The following PCDH11X variants were observed in gnomAD, a reference collection of about 807,000 sequenced individuals.
PCDH11X encodes the protein protocadherin 11 X-linked.
Under a neutral mutation model 53.3 loss-of-function variants are expected in PCDH11X, and 18 were observed. The observed-to-expected ratio is 0.34, with a 90% CI of 0.23 to 0.50. The LOEUF (loss-of-function observed/expected upper bound fraction) is 0.50. Ranked by LOEUF, PCDH11X falls within the 20% of genes least tolerant of loss-of-function variation. PCDH11X has a pLI of 0.98. For missense variants in PCDH11X, 570 were observed against 1,032.4 expected, an observed-to-expected ratio of 0.55 and a Z score of 6.14; for synonymous variants, 279 against 393.3, an observed-to-expected ratio of 0.71 and a Z score of 3.44.
At chrX:92,406,740 A>G (rs867888658) in intron 9 of PCDH11X, among the ~76,000 whole-genome samples, 167 of 100,395 alleles carry the variant, frequency 1.7e-3, no homozygotes, top group Non-Finnish European at 2.8e-3. Flanking sequence ...CTTGGCCAAC[A>G]TGGTGAAACC....
intron 10 of PCDH11X, among the ~76,000 whole-genome samples, chrX:92,520,993 A>G (rs778476805): frequency 4.2e-4 from 47 of 111,183 alleles, no homozygotes; most frequent in Admixed American, 2.9e-4. Flanking sequence ...TATTTCTACC[A>G]CATCTGCAGT....
intron 6 of PCDH11X, among the ~76,000 whole-genome samples, chrX:91,902,309 C>T (rs1940985077): frequency 9.1e-6 from 1 of 110,079 alleles, no homozygotes; most frequent in East Asian, 2.9e-4. Flanking sequence ...GCAGTGGCCT[C>T]CTATTTGCCA....
At chrX:92,376,476 C>CA (rs770351289) in intron 8 of PCDH11X, among the ~76,000 whole-genome samples, 3 of 111,251 alleles carry the variant, frequency 2.7e-5, no homozygotes, top group African/African-American at 9.8e-5. Context: ...AGCTACTGAA[C>CA]AAAAAAAATA....
intron 10 of PCDH11X, among the ~76,000 whole-genome samples, chrX:92,543,057 C>G (rs2074783842): frequency 9.2e-6 from 1 of 108,450 alleles, no homozygotes; most frequent in Admixed American, 1.0e-4. Context: ...ACACCACTCA[C>G]TTCCACTTTT....
intron 5 of PCDH11X, among the ~76,000 whole-genome samples, chrX:91,864,372 T>G (rs780419813): frequency 1.0e-5 from 1 of 97,005 alleles, no homozygotes; most frequent in Non-Finnish European, 2.0e-5. Context: ...GTATTGGAGC[T>G]CCATTGTGTG....
chrX:92,374,809 A>C (rs190678721), intron 8 of PCDH11X, among the ~76,000 whole-genome samples: 1,237 of 110,352 alleles, frequency 0.011, 20 homozygotes, highest in African/African-American at 0.039. Flanking sequence ...GTGATAATCC[A>C]TATCACCATG....
At chrX:92,341,798 A>G in intron 8 of PCDH11X, among the ~76,000 whole-genome samples, 1 of 111,884 alleles carries the variant, frequency 8.9e-6, no homozygotes, top group Non-Finnish European at 1.9e-5. Context: ...GGGGACACAT[A>G]TCCAAACTAT....
intron 9 of PCDH11X, among the ~76,000 whole-genome samples, chrX:92,415,262 C>T (rs2071783436): frequency 9.0e-6 from 1 of 111,647 alleles, no homozygotes; most frequent in Admixed American, 9.5e-5. Flanking sequence ...CTACCACTTT[C>T]AGGAGAAACA....
At chrX:91,869,147 C>T (rs761008431) in intron 5 of PCDH11X, among the ~76,000 whole-genome samples, 372 of 109,832 alleles carry the variant, frequency 3.4e-3, no homozygotes, top group African/African-American at 0.012. Context: ...ATAAACATTA[C>T]TTTTAGGGGT....
At chrX:92,446,056 C>A (rs1387063507) in intron 9 of PCDH11X, among the ~76,000 whole-genome samples, 1 of 109,345 alleles carries the variant, frequency 9.1e-6, no homozygotes, top group East Asian at 2.9e-4. Flanking sequence ...CTCAATATGT[C>A]ACCAAAGCCA....
At chrX:92,254,711 C>G (rs371087998) in intron 7 of PCDH11X, among the ~76,000 whole-genome samples, 28 of 107,456 alleles carry the variant, frequency 2.6e-4, no homozygotes, top group African/African-American at 6.4e-4. Flanking sequence ...GCTTAGTTTG[C>G]CTGGATATGA....
chrX:92,388,124 C>A (rs2071049882), intron 9 of PCDH11X, among the ~76,000 whole-genome samples, 191 bp downstream of exon 9: 1 of 110,768 alleles, frequency 9.0e-6, no homozygotes, highest in Admixed American at 9.7e-5. Context: ...AATGTGTGAT[C>A]ATAACTACGC....
chrX:92,238,660 A>G (rs961040017), intron 7 of PCDH11X, among the ~76,000 whole-genome samples: 2 of 111,876 alleles, frequency 1.8e-5, no homozygotes, highest in Admixed American at 1.9e-4. Flanking sequence ...TGTGCATACA[A>G]CTAGGTAATA....
chrX:91,968,402 CCTGT>C (rs1401344746), intron 6 of PCDH11X, among the ~76,000 whole-genome samples: 2 of 108,563 alleles, frequency 1.8e-5, no homozygotes, highest in African/African-American at 3.4e-5. Flanking sequence ...AGTTTGTTAT[CCTGT>C]CTCACAGTTA....
At chrX:92,127,616 G>C (rs1161705311) in intron 6 of PCDH11X, among the ~76,000 whole-genome samples, 1 of 106,078 alleles carries the variant, frequency 9.4e-6, no homozygotes, top group African/African-American at 3.5e-5. Context: ...TGCCTCCCAG[G>C]TTCAAGGGAT....
intron 6 of PCDH11X, among the ~76,000 whole-genome samples, chrX:91,896,272 G>A (rs1012346292): frequency 2.7e-5 from 3 of 110,071 alleles, no homozygotes; most frequent in South Asian, 4.0e-4. Context: ...CTACAGACAC[G>A]TGCCACCAGA....
intron 6 of PCDH11X, among the ~76,000 whole-genome samples, chrX:92,148,122 CTTTCTTTCTTT>C (rs2065350771): frequency 1.5e-3 from 15 of 10,113 alleles, no homozygotes; most frequent in African/African-American, 2.9e-3. Context: ...TTCTTTCTTT[CTTTCTTTCTTT>C]TTCCTTCCTT....
chrX:91,860,605 T>G (rs1938607310), intron 5 of PCDH11X, among the ~76,000 whole-genome samples: 1 of 111,956 alleles, frequency 8.9e-6, no homozygotes, highest in Admixed American at 9.5e-5. Flanking sequence ...GGGTTTGTCA[T>G]AAATGGCTCT....
chrX:91,872,346 G>T (rs1254445381), intron 5 of PCDH11X, among the ~76,000 whole-genome samples: 43 of 107,148 alleles, frequency 4.0e-4, no homozygotes, highest in Non-Finnish European at 7.9e-4. Flanking sequence ...AAAAACCCAA[G>T]TCAACAATTA....
Sources: gnomAD v4.1 joint callset for allele counts (sites outside exome capture counted in the v4.1 genomes callset) on GRCh38, gnomAD v4.1.1 for gene constraint, MANE v1.5 for transcripts, NCBI Gene and HGNC (gene_info 2026-07-23, HGNC 2026-07-21) for gene names.